Variants in KIF1B observed in about 807,000 individuals in gnomAD.
KIF1B encodes the protein kinesin family member 1B.
Under a neutral mutation model 241.9 loss-of-function variants are expected in KIF1B, and 76 were observed. That is an observed-to-expected ratio of 0.31 (90% CI 0.26 to 0.38). The LOEUF (loss-of-function observed/expected upper bound fraction) is 0.38. Among genes scored for constraint, KIF1B ranks in the 10% least tolerant of loss-of-function variants. The probability of loss-of-function intolerance (pLI) is 1.00; values close to 1 mark genes in which losing one functional copy is unlikely to be tolerated. For missense variants in KIF1B, 1,622 were observed against 2,271.4 expected (o/e 0.71, Z 5.81); for synonymous variants, 750 against 796.7 (o/e 0.94, Z 0.99).
At chr1:10,343,376 A>G (rs1652472047) in intron 34 of KIF1B, 89 bp downstream of exon 34, 1 of 1,255,998 alleles carries the variant, frequency 8.0e-7, no homozygotes, top group Admixed American at 1.8e-5. Context: ...GTCATGTTTG[A>G]ATTCCTATTC....
intron 27 of KIF1B, among the ~76,000 whole-genome samples, chr1:10,332,915 G>A (rs1313782847): frequency 2.6e-5 from 4 of 151,056 alleles, no homozygotes; most frequent in Non-Finnish European, 4.4e-5. Context: ...GGGTTCAAGC[G>A]ATTCTCCTGC....
chr1:10,343,345 TG>T, intron 34 of KIF1B, 58 bp downstream of exon 34: 1 of 1,514,074 alleles, frequency 6.6e-7, no homozygotes, highest in Middle Eastern at 1.7e-4. Flanking sequence ...TGTCTTATTC[TG>T]AATGACTTTT....
chr1:10,273,159 G>A, intron 10 of KIF1B, 128 bp downstream of exon 10: 1 of 636,070 alleles, frequency 1.6e-6, no homozygotes. Flanking sequence ...CTCTGGCTCT[G>A]GAATTTAGAG....
intron 34 of KIF1B, among the ~76,000 whole-genome samples, chr1:10,343,564 C>T (rs1168036476): frequency 5.3e-5 from 8 of 151,954 alleles, no homozygotes; most frequent in East Asian, 1.9e-4. Flanking sequence ...TCAAAAACAG[C>T]CAGACCAACA....
At chr1:10,286,228 C>T (rs567833854) in intron 15 of KIF1B, among the ~76,000 whole-genome samples, 14 of 152,206 alleles carry the variant, frequency 9.2e-5, no homozygotes, top group East Asian at 3.9e-4. Context: ...TTAGTAGAGA[C>T]GGGGTTTCGC....
chr1:10,220,829 A>G (rs1055305249), intron 1 of KIF1B, among the ~76,000 whole-genome samples: 2 of 151,630 alleles, frequency 1.3e-5, no homozygotes, highest in African/African-American at 2.4e-5. Context: ...AGCCCAGCTG[A>G]TTTTTGTGCT....
chr1:10,219,176 G>A (rs1424016691), intron 1 of KIF1B, among the ~76,000 whole-genome samples: 1 of 152,114 alleles, frequency 6.6e-6, no homozygotes, highest in Non-Finnish European at 1.5e-5. Context: ...ATAAAGATAC[G>A]TACGGCCGGG....
intron 4 of KIF1B, among the ~76,000 whole-genome samples, chr1:10,259,358 A>G (rs1017352698): frequency 1.3e-5 from 2 of 152,008 alleles, no homozygotes; most frequent in Admixed American, 6.6e-5. Context: ...TCTGTTGCCC[A>G]TGCTGGAGTG....
rs746394546 is a variant in KIF1B, at chr1:10,320,043, G to C, written c.2116G>C (p.Asp706His). 1 of 1,606,700 alleles carries C rather than the reference G, an allele frequency of 6.2e-7. No homozygotes were observed. The highest frequency in any genetic ancestry group is 2.2e-5 in the East Asian group (1 of 44,816). ...ADLLLEQQRL[D>H]YESKLQALQK... Reference sequence around the variant, plus strand: ...TGTTATCTCCTTTCTTTTCATTCAGGACTATGAGAGTAAATTGCAGGCCTT... The same window carrying C: ...TGTTATCTCCTTTCTTTTCATTCAGCACTATGAGAGTAAATTGCAGGCCTT... Residue 706 changes from aspartate (D) to histidine (H), a missense_variant and splice_region_variant, in exon 23 of 49, where the codon GAC (aspartate) becomes CAC (histidine). By Grantham distance (81) the Asp-to-His change is moderately conservative. Coordinates refer to ENST00000676179, the MANE Select transcript of KIF1B (RefSeq NM_001365951.3).
chr1:10,336,870 TG>T, intron 29 of KIF1B, 128 bp downstream of exon 29: 1 of 1,079,272 alleles, frequency 9.3e-7, no homozygotes, highest in Non-Finnish European at 1.4e-6. Context: ...CAATAGAATA[TG>T]GGACATGTCT....
In KIF1B at chr1:10,326,019, G is replaced by A; in HGVS notation, c.2676-92G>A. On this transcript the variant is annotated intron_variant, in intron 26 of 48. Transcript: ENST00000676179. The surrounding 1 kb of genome is among the most constrained non-coding windows in gnomAD (Gnocchi z 5.2). ...GCTTTTATTGTGTTGATTCCCCAGTGGATTCTGTCCTGTTAGCACCTATTG... is the reference window on the plus strand; with the variant it reads ...GCTTTTATTGTGTTGATTCCCCAGTAGATTCTGTCCTGTTAGCACCTATTG... 6.6e-7 allele frequency: 1 copy of A among 1,504,214 alleles called. No homozygotes were observed. The highest frequency in any genetic ancestry group is 1.1e-5 in the South Asian group (1 of 88,296). The allele number at this position is 1,504,214 out of a possible 1,614,324, so 93.2% of individuals were successfully genotyped here. A position where few individuals can be genotyped will look rare whatever the true frequency, so the allele number is the denominator to read the frequency against.
rs1252311673 is a variant in KIF1B, at chr1:10,377,792, C to T, written c.*1205C>T. 2.7e-5 allele frequency: 5 copies of T among 183,388 alleles called. No individual in the cohort carries two copies. The highest frequency in any genetic ancestry group is 9.4e-5 in the African/African-American group (4 of 42,466). The allele number at this position is 183,388 out of a possible 1,614,324, so 11.4% of individuals were successfully genotyped here. A position where few individuals can be genotyped will look rare whatever the true frequency, so the allele number is the denominator to read the frequency against. The stretch of plus-strand genomic sequence containing the variant: ...TCTCTACTAAAAATACAAAATTAGT[C>T]GGGTATGGTGGCACATGCCTGTAAT... On this transcript the variant is annotated 3_prime_UTR_variant, in exon 49 of 49. Coordinates refer to ENST00000676179, the MANE Select transcript of KIF1B (RefSeq NM_001365951.3).
rs995406998 is a variant in KIF1B at position 10,378,763 on chromosome 1, A to T, written c.*2176A>T. 1.6e-5 allele frequency: 5 copies of T among 310,152 alleles called. No individual in the cohort carries two copies. The highest frequency in any genetic ancestry group is 1.4e-4 in the Admixed American group (3 of 21,640). The allele number at this position is 310,152 out of a possible 1,614,324, so 19.2% of individuals were successfully genotyped here. ...AACAGGTCTCCCAGCTTCGCTCCTTATCACTGCATTGTGAAGAGGAGGAAA... is the reference window on the plus strand; with the variant it reads ...AACAGGTCTCCCAGCTTCGCTCCTTTTCACTGCATTGTGAAGAGGAGGAAA... On this transcript the variant is annotated 3_prime_UTR_variant, in exon 49 of 49. Transcript: ENST00000676179.
intron 44 of KIF1B, among the ~76,000 whole-genome samples, chr1:10,370,781 A>G (rs1638711009): frequency 6.6e-6 from 1 of 151,914 alleles, no homozygotes; most frequent in African/African-American, 2.4e-5. Flanking sequence ...AAATATTTGT[A>G]GGCTTGTTTT....
At position 10,376,376 on chromosome 1, in the gene KIF1B, C is replaced by T. The variant is rs76771400; in HGVS notation, c.5409-169C>T. On this transcript the variant is annotated intron_variant, in intron 48 of 48. Coordinates refer to ENST00000676179, the MANE Select transcript of KIF1B (RefSeq NM_001365951.3). Reference sequence around the variant, plus strand: ...CCTCCAGCCCTGTGATTCAGCCTCACGTTCTGAGGGCTTGTGTCACAGGGT... The same window carrying T: ...CCTCCAGCCCTGTGATTCAGCCTCATGTTCTGAGGGCTTGTGTCACAGGGT... Among the ~76,000 whole-genome samples, 3,972 of 152,204 alleles carry T rather than the reference C, an allele frequency of 0.026. 195 individuals are homozygous for T. The highest frequency in any genetic ancestry group is 0.09 in the African/African-American group (3,719 of 41,518).
At position 10,365,048 on chromosome 1, in the gene KIF1B, C is replaced by T; in HGVS notation, c.4367-52C>T. 1 of 1,440,738 alleles carries T rather than the reference C, an allele frequency of 6.9e-7. No individual in the cohort carries two copies. The highest frequency in any genetic ancestry group is 9.5e-7 in the Non-Finnish European group (1 of 1,051,186). 89.2% of individuals were successfully genotyped at this position (1,440,738 alleles called of 1,614,324 possible). A position where few individuals can be genotyped will look rare whatever the true frequency, so the allele number is the denominator to read the frequency against. On this transcript the variant is annotated intron_variant, in intron 41 of 48. Coordinates refer to ENST00000676179, the MANE Select transcript of KIF1B (RefSeq NM_001365951.3). The surrounding 1 kb of genome is among the most constrained non-coding windows in gnomAD (Gnocchi z 4.0). ...AATTATTAATTCGTTTTGACCTAAA[C>T]TTGGAATTGAATTTTTTTTCTGAAA...
intron 15 of KIF1B, among the ~76,000 whole-genome samples, chr1:10,283,416 T>A (rs549924037): frequency 6.6e-6 from 1 of 152,352 alleles, no homozygotes; most frequent in South Asian, 2.1e-4. Context: ...ATTACTGGCC[T>A]ATGGCTCCCA....
Position 10,381,102 on chromosome 1 carries a change from G to T in KIF1B, c.*4515G>T, listed in dbSNP as rs111491226. The T allele has an allele frequency of 1.0e-3, 232 of 222,574 alleles. No individual in the cohort carries two copies. The highest frequency in any genetic ancestry group is 4.9e-3 in the African/African-American group (221 of 44,848). The allele number at this position is 222,574 out of a possible 1,614,324, so 13.8% of individuals were successfully genotyped here. On this transcript the variant is annotated 3_prime_UTR_variant, in exon 49 of 49. Transcript: ENST00000676179. The stretch of plus-strand genomic sequence containing the variant: ...TCTTGCCAAACCGTGGCTGTTGTGT[G>T]TTGTTCTTCATGTCTTCGAGTTCAT...
intron 35 of KIF1B, 126 bp from the exon 36 acceptor site, chr1:10,347,635 A>G (rs1652633648): frequency 1.3e-6 from 1 of 769,238 alleles, no homozygotes; most frequent in Non-Finnish European, 2.3e-6. Context: ...AAATGACTGT[A>G]TGATTAAATG....
Sources: gnomAD v4.1 joint callset for allele counts (sites outside exome capture counted in the v4.1 genomes callset) on GRCh38, gnomAD v4.1.1 for gene constraint, Gnocchi (gnomAD v3.1) non-coding constraint, MANE v1.5 for transcripts, NCBI Gene and HGNC (gene_info 2026-07-23, HGNC 2026-07-21) for gene names.